The following SEM1 variants were observed in gnomAD, a reference collection of about 807,000 sequenced individuals.
The protein encoded by SEM1 is 26S proteasome complex subunit SEM1.
SEM1 carries 3 observed loss-of-function variants against 12.7 expected under a neutral mutation model. The observed-to-expected ratio is 0.24, with a 90% confidence interval of 0.11 to 0.61. The LOEUF is 0.61. Ranked by LOEUF, SEM1 falls within the 20% of genes least tolerant of loss-of-function variation. SEM1 has a pLI of 0.88. For synonymous variants in SEM1, 30 were observed against 27.8 expected (o/e 1.08, Z -0.25); for missense variants, 59 against 81.3 (o/e 0.73, Z 1.06).
At position 96,709,676 on chromosome 7, in the gene SEM1, C is replaced by A; in HGVS notation, c.76+12G>T. 1 of 1,612,826 alleles carries A rather than the reference C, an allele frequency of 6.2e-7. No individual in the cohort carries two copies. The highest frequency in any genetic ancestry group is 8.5e-7 in the Non-Finnish European group (1 of 1,179,214). Reference sequence around the variant, plus strand: ...CGTTCGCGCGACACAGAAACCGGGGCCCAGCGGTTACCTTCGGCAGGGAAC... The same window carrying A: ...CGTTCGCGCGACACAGAAACCGGGGACCAGCGGTTACCTTCGGCAGGGAAC... On this transcript the variant is annotated intron_variant, in intron 1 of 2. Transcript: ENST00000248566.
At chr7:96,605,712 G>T (rs1584800200) in intron 2 of SEM1, among the ~76,000 whole-genome samples, 1 of 151,954 alleles carries the variant, frequency 6.6e-6, no homozygotes, top group East Asian at 1.9e-4. Context: ...GATACTTGGG[G>T]TTTCTTTGAT....
intron 2 of SEM1, among the ~76,000 whole-genome samples, chr7:96,514,073 A>G (rs981376113): frequency 1.4e-4 from 21 of 152,110 alleles, no homozygotes; most frequent in African/African-American, 4.8e-4. Flanking sequence ...AAAATTTACT[A>G]TTACAAGCAA....
intron 2 of SEM1, among the ~76,000 whole-genome samples, chr7:96,633,478 A>C (rs1184935114): frequency 6.6e-6 from 1 of 152,170 alleles, no homozygotes. Context: ...AACATAGTGG[A>C]TACACAGTCA....
chr7:96,553,504 T>G (rs1384331942), intron 2 of SEM1, among the ~76,000 whole-genome samples: 1 of 151,440 alleles, frequency 6.6e-6, no homozygotes. Flanking sequence ...CAGATAGTTG[T>G]AGATATGCAG....
chr7:96,621,869 TA>T (rs1449110240), downstream of SEM1: 2 of 152,238 alleles, frequency 1.3e-5, no homozygotes, highest in Non-Finnish European at 2.9e-5. Context: ...GATGTCTTAT[TA>T]AAGGGAACTC....
intron 2 of SEM1, among the ~76,000 whole-genome samples, chr7:96,591,883 A>T (rs1380343973): frequency 3.4e-5 from 5 of 149,002 alleles, no homozygotes; most frequent in African/African-American, 1.2e-4. Context: ...TATTAATTGT[A>T]TTTCCTGCTC....
intron 2 of SEM1, among the ~76,000 whole-genome samples, chr7:96,588,382 ACACACACACACACAC>A (rs755327285): frequency 0.08 from 6,508 of 81,766 alleles, 349 homozygotes; most frequent in Admixed American, 0.25. Flanking sequence ...ACACACACAC[ACACACACACACACAC>A]GAGAGAGAGA....
intron 2 of SEM1, among the ~76,000 whole-genome samples, chr7:96,560,504 A>T (rs1805660440): frequency 6.6e-6 from 1 of 152,252 alleles, no homozygotes; most frequent in Non-Finnish European, 1.5e-5. Context: ...TAGTACCAAC[A>T]GTACTTGATA....
At chr7:96,575,948 T>C (rs1806191628) in intron 2 of SEM1, among the ~76,000 whole-genome samples, 1 of 152,254 alleles carries the variant, frequency 6.6e-6, no homozygotes, top group African/African-American at 2.4e-5. Context: ...TCTATTATTA[T>C]ATTCTGTGTA....
chr7:96,494,396 G>A (rs755098170), intron 1 of SEM1, among the ~76,000 whole-genome samples: 1 of 152,260 alleles, frequency 6.6e-6, no homozygotes, highest in African/African-American at 2.4e-5. Flanking sequence ...TAAAGTTTGG[G>A]AGCTTTTCTC....
rs1359665046 is a variant in SEM1, at chr7:96,557,681, GAGGC to G, written c.171-50987_171-50984del. 4.4e-5 allele frequency among the ~76,000 whole-genome samples: 6 copies of G among 135,806 alleles called. No homozygotes were observed. The East Asian group carries it at 9.2e-4, about 21-fold the overall frequency. 89.1% of individuals were successfully genotyped at this position (135,806 alleles called of 152,430 possible). A position where few individuals can be genotyped will look rare whatever the true frequency, so the allele number is the denominator to read the frequency against. ...CCTGCCCCCAGAGGTGGAGCCTACAGAGGCAGGCAGGCCTCCTTCAGCTGTGGTG... is the reference window on the plus strand; with the variant it reads ...CCTGCCCCCAGAGGTGGAGCCTACAGAGGCAGGCCTCCTTCAGCTGTGGTG... On this transcript the variant is annotated intron_variant and NMD_transcript_variant, in intron 2 of 3. Coordinates refer to the SEM1 transcript ENST00000466986.
intron 2 of SEM1, among the ~76,000 whole-genome samples, chr7:96,596,813 C>T (rs1173331136): frequency 6.6e-6 from 1 of 152,146 alleles, no homozygotes; most frequent in African/African-American, 2.4e-5. Flanking sequence ...ACAAAGGCAA[C>T]ATTTTTTAGC....
Position 96,694,909 on chromosome 7 carries a change from T to C in SEM1, c.77-18A>G. 2 of 1,544,206 alleles carry C rather than the reference T, an allele frequency of 1.3e-6. No homozygotes were observed. Among genetic ancestry groups the C allele is most frequent in the Non-Finnish European group, 1.8e-6 (2 of 1,118,378 alleles). On this transcript the variant is annotated intron_variant, in intron 1 of 2. Transcript: ENST00000248566. ...AGCCCAGTCTAAAAATAGAAACAGA[T>C]GCTGTCTAAATATTTCTCATACATT...
chr7:96,492,758 CATGTGTGT>C (rs1487324449), intron 1 of SEM1, among the ~76,000 whole-genome samples: 3 of 94,664 alleles, frequency 3.2e-5, no homozygotes, highest in African/African-American at 1.2e-4. Flanking sequence ...GAATAATATT[CATGTGTGT>C]GTGTGTGTGT....
chr7:96,638,059 C>T (rs542515646), intron 2 of SEM1, among the ~76,000 whole-genome samples: 1 of 152,130 alleles, frequency 6.6e-6, no homozygotes, highest in South Asian at 2.1e-4. Flanking sequence ...TGGATTTGGT[C>T]AAGCCATTGT....
intron 2 of SEM1, among the ~76,000 whole-genome samples, chr7:96,589,520 T>C (rs1201285102): frequency 2.0e-5 from 3 of 152,100 alleles, no homozygotes; most frequent in Middle Eastern, 3.2e-3. Context: ...TGTAACTCCA[T>C]TGTGTGTACC....
downstream of SEM1, among the ~76,000 whole-genome samples, chr7:96,668,868 G>A (rs1211493940): frequency 6.6e-6 from 1 of 152,182 alleles, no homozygotes; most frequent in Non-Finnish European, 1.5e-5. Flanking sequence ...GGGTCCATCA[G>A]ACTAGTGTCC....
chr7:96,701,945 G>T (rs951015661), intron 1 of SEM1, among the ~76,000 whole-genome samples: 11 of 152,108 alleles, frequency 7.2e-5, no homozygotes, highest in African/African-American at 2.4e-4. Flanking sequence ...TTCCTGGAGA[G>T]GGGCAGCATG....
intron 1 of SEM1, chr7:96,486,549 G>A: frequency 1.4e-6 from 1 of 698,506 alleles, no homozygotes; most frequent in Non-Finnish European, 2.4e-6. Flanking sequence ...GTGAGGTGGG[G>A]AAACCAAAAG....
Sources: gnomAD v4.1 joint callset for allele counts (sites outside exome capture counted in the v4.1 genomes callset) on GRCh38, gnomAD v4.1.1 for gene constraint, MANE v1.5 for transcripts, NCBI Gene and HGNC (gene_info 2026-07-23, HGNC 2026-07-21) for gene names.